The following PGAP6 variants were observed in gnomAD, a reference collection of about 807,000 sequenced individuals.
PGAP6 encodes post-GPI attachment to proteins 6, also known as post-GPI attachment to proteins factor 6.
Under a neutral mutation model 68.4 loss-of-function variants are expected in PGAP6, and 62 were observed. The ratio of observed to expected loss-of-function variants is 0.91; its 90% CI spans 0.74 to 1.12. The LOEUF (loss-of-function observed/expected upper bound fraction) is 1.12, where lower values mean the gene tolerates loss of function less well. Among genes scored for constraint, PGAP6 ranks in the 50% most tolerant of loss-of-function variants. The pLI is 0.00. For synonymous variants in PGAP6, 575 were observed against 474.0 expected, an observed-to-expected ratio of 1.21 and a Z score of -2.77; for missense variants, 1,188 against 1,068.5, an observed-to-expected ratio of 1.11 and a Z score of -1.56.
chr16:378,330 CCG>C (rs1567325811), intron 1 of PGAP6, among the ~76,000 whole-genome samples: 3 of 131,170 alleles, frequency 2.3e-5, no homozygotes, highest in African/African-American at 6.2e-5. Context: ...CCATCGCCAC[CCG>C]CACTGCCATC....
At chr16:383,277 A>G (rs532527021), upstream of PGAP6, 1 of 152,240 alleles carries the variant, frequency 6.6e-6, no homozygotes, top group Non-Finnish European at 1.5e-5. Context: ...GCAAATAAAA[A>G]CTGTACTAAC....
chr16:377,200 A>G, intron 3 of PGAP6, 36 bp from the exon 4 acceptor site: 5 of 1,611,872 alleles, frequency 3.1e-6, no homozygotes, highest in Non-Finnish European at 4.2e-6. Context: ...GGGCGGTGTC[A>G]GAGAATGCAG....
upstream of PGAP6, chr16:386,711 C>CCAAA: frequency 5.0e-6 from 1 of 198,208 alleles, no homozygotes. Flanking sequence ...CCAGTCTCTA[C>CCAAA]AAAAAAAAAA....
rs2054443864 is a variant in PGAP6, at chr16:381,950, C to A, written c.-129G>T. The stretch of plus-strand genomic sequence containing the variant: ...CTGCCCCCGGCGCCCATGGCCCGGC[C>A]GGTCCCCGCCGCCGTCGCCCCGGGC... On this transcript the variant is annotated 5_prime_UTR_variant, in exon 1 of 13. Transcript: ENST00000431232. The A allele has an allele frequency of 6.2e-6, 6 of 974,074 alleles. No individual in the cohort carries two copies. The highest frequency in any genetic ancestry group is 4.9e-6 in the Non-Finnish European group (4 of 821,318). 60.3% of individuals were successfully genotyped at this position (974,074 alleles called of 1,614,324 possible).
Position 375,333 on chromosome 16 carries a change from T to C in PGAP6, c.1315+12A>G, listed in dbSNP as rs768863746. 1.2e-6 allele frequency: 2 copies of C among 1,612,770 alleles called. No individual in the cohort carries two copies. The highest frequency in any genetic ancestry group is 1.1e-5 in the South Asian group (1 of 91,082). ...CCGGGGCCACGCTGACGGTGACGCC[T>C]GCCCATCATACCTGTGGTGCAGTTG... On this transcript the variant is annotated intron_variant, in intron 7 of 12. Transcript: ENST00000431232.
At chr16:378,250 A>G (rs1379455301) in intron 1 of PGAP6, among the ~76,000 whole-genome samples, 1 of 137,102 alleles carries the variant, frequency 7.3e-6, no homozygotes, top group African/African-American at 3.0e-5. Flanking sequence ...CCGCACTGCC[A>G]TCCCCACCCG....
chr16:373,913 G>C (rs2054356007), intron 11 of PGAP6, 92 bp downstream of exon 11: 2 of 1,439,028 alleles, frequency 1.4e-6, no homozygotes, highest in Admixed American at 5.1e-5. Flanking sequence ...CCCAACGCCA[G>C]GTCCGGCCTC....
chr16:379,240 G>C (rs2054418480), intron 1 of PGAP6, among the ~76,000 whole-genome samples: 1 of 152,146 alleles, frequency 6.6e-6, no homozygotes, highest in African/African-American at 2.4e-5. Context: ...TCAGGCCCAG[G>C]CCCCTCCTGA....
At position 378,170 on chromosome 16, in the gene PGAP6, G is replaced by A. The variant is rs867556487; in HGVS notation, c.122-322C>T. ...GCCACCCTGACTGCCATCGCCACCC[G>A]CACTGCCATCCCCACCCGCACTGCC... On this transcript the variant is annotated intron_variant, in intron 1 of 12. Transcript: ENST00000431232. Among the ~76,000 whole-genome samples the A allele has an allele frequency of 3.7e-3, 150 of 40,902 alleles. 1 individual carries two copies. The highest frequency in any genetic ancestry group is 0.026 in the Middle Eastern group (2 of 76). 26.8% of individuals were successfully genotyped at this position (40,902 alleles called of 152,430 possible).
chr16:379,755 C>G (rs1001989608), intron 1 of PGAP6, among the ~76,000 whole-genome samples: 1 of 152,252 alleles, frequency 6.6e-6, no homozygotes, highest in Non-Finnish European at 1.5e-5. Context: ...CACCCAGTCC[C>G]CGACTCCCAG....
chr16:375,224 C>G lies in PGAP6; in HGVS notation c.1348G>C (p.Ala450Pro), dbSNP rs374799437. Residue 450 changes from alanine (A) to proline (P), a missense_variant, in exon 8 of 13, where the codon GCC becomes CCC. Coordinates refer to ENST00000431232, the MANE Select transcript of PGAP6 (RefSeq NM_021259.3). ...ATGAGGTTGGCCCTGCGAGACCAGGCGCTCAGAGACAAAGGGTAGCCCTGG... is the reference window on the plus strand; with the variant it reads ...ATGAGGTTGGCCCTGCGAGACCAGGGGCTCAGAGACAAAGGGTAGCCCTGG... ...FFQGYPLSLS[A>P]WSRRANLIIP... is the part of the protein sequence containing the mutation. 7.4e-6 allele frequency: 12 copies of G among 1,613,208 alleles called. No individual in the cohort carries two copies. In the South Asian group the frequency reaches 1.3e-4, roughly 18 times the overall value.
intron 1 of PGAP6, among the ~76,000 whole-genome samples, chr16:378,291 C>T (rs1597164042): frequency 2.0e-5 from 3 of 147,210 alleles, no homozygotes; most frequent in Admixed American, 6.7e-5. Context: ...CTGCCATCGC[C>T]ACCCGCACTG....
At chr16:378,387 GACTGCCATCGCCACCCGC>G (rs1567325885) in intron 1 of PGAP6, among the ~76,000 whole-genome samples, 30 of 4,940 alleles carry the variant, frequency 6.1e-3, no homozygotes, top group Middle Eastern at 0.1. Context: ...TCGCCACCCT[GACTGCCATCGCCACCCGC>G]ACTGCCATCG....
At position 376,791 on chromosome 16, in the gene PGAP6, C is replaced by T. The variant is rs375209836; in HGVS notation, c.657G>A (p.Thr219=). 41 of 1,608,274 alleles carry T rather than the reference C, an allele frequency of 2.5e-5. No individual in the cohort carries two copies. Among genetic ancestry groups the T allele is most frequent in the African/African-American group, 1.5e-4 (11 of 74,876 alleles). ...SYLKVFVPDY[T]RELLLELRDC... is the part of the protein sequence containing the mutation. ...CCCGCAGCTCCAGCAGAAGCTCCCG[C>T]GTGTAATCGGGGACAAAGACCCTGC... is the stretch of plus-strand genomic sequence containing the variant. The change falls in exon 5 of 13, where the codon ACG becomes ACA. Residue 219 remains threonine (T), a synonymous_variant. Transcript: ENST00000431232.
In PGAP6 at chr16:376,407, T is replaced by G; in HGVS notation, c.953A>C (p.Gln318Pro). 6.2e-7 allele frequency: 1 copy of G among 1,600,012 alleles called. No homozygotes were observed. Among genetic ancestry groups the G allele is most frequent in the Non-Finnish European group, 8.5e-7 (1 of 1,172,040 alleles). Residue 318 changes from glutamine (Q) to proline (P), a missense_variant, in exon 6 of 13, where the codon CAA (glutamine) becomes CCA (proline). Transcript: ENST00000431232. Reference protein sequence around the residue: ...VTIQPLLQSSQNQSFNASSGL... With the variant: ...VTIQPLLQSSPNQSFNASSGL... ...AGAGGAGGCATTGAAGCTCTGGTTTTGGCTGCTCTGCAGAAGGGGCTGGAT... is the reference window on the plus strand; with the variant it reads ...AGAGGAGGCATTGAAGCTCTGGTTTGGGCTGCTCTGCAGAAGGGGCTGGAT...
chr16:379,057 G>T (rs955654939), intron 1 of PGAP6, among the ~76,000 whole-genome samples: 1 of 152,182 alleles, frequency 6.6e-6, no homozygotes, highest in African/African-American at 2.4e-5. Context: ...GGTAGGTCAG[G>T]GCGGAGGGCA....
chr16:379,738 G>T (rs1461298254), intron 1 of PGAP6, among the ~76,000 whole-genome samples: 1 of 152,194 alleles, frequency 6.6e-6, no homozygotes, highest in African/African-American at 2.4e-5. Flanking sequence ...GTTCAAGGTT[G>T]TCCTAACACC....
intron 1 of PGAP6, among the ~76,000 whole-genome samples, chr16:381,431 G>A (rs1237871670): frequency 6.6e-6 from 1 of 151,864 alleles, no homozygotes; most frequent in Non-Finnish European, 1.5e-5. Flanking sequence ...GGGCGCTCTG[G>A]GAGGAGGAGG....
chr16:377,562 G>A lies in PGAP6; in HGVS notation c.323C>T (p.Pro108Leu), dbSNP rs776754794. ...GCTGGTGCCCAGCGGGTTGATGACC[G>A]GAGGGGCGCCGGAACGGAAGTGCCT... The part of the protein sequence containing the change: ...ITVHFRSGAP[P>L]VINPLGTSFP... The change falls in exon 3 of 13, where the codon CCG becomes CTG. Residue 108 changes from proline to leucine, a missense_variant. Pro to Leu is a moderately conservative substitution (Grantham distance 98). Transcript: ENST00000431232. The A allele has an allele frequency of 9.5e-6, 15 of 1,582,592 alleles. No individual in the cohort carries two copies. Among genetic ancestry groups the A allele is most frequent in the Admixed American group, 7.3e-5 (4 of 54,946 alleles).
Sources: gnomAD v4.1 joint callset for allele counts (sites outside exome capture counted in the v4.1 genomes callset) on GRCh38, gnomAD v4.1.1 for gene constraint, MANE v1.5 for transcripts, NCBI Gene and HGNC (gene_info 2026-07-23, HGNC 2026-07-21) for gene names.